Variants in SLC6A17 observed in about 807,000 individuals in gnomAD.
SLC6A17 encodes the protein sodium-dependent neutral amino acid transporter SLC6A17.
A neutral mutation model predicts 64.5 loss-of-function variants in SLC6A17; 21 were observed. That is an observed-to-expected ratio of 0.33 (90% CI 0.23 to 0.47). SLC6A17 has a LOEUF of 0.47. Ranked by LOEUF, SLC6A17 falls within the 20% of genes least tolerant of loss-of-function variation. SLC6A17 has a pLI of 1.00. For synonymous variants in SLC6A17, 372 were observed against 399.5 expected (o/e 0.93, Z 0.82); for missense variants, 682 against 963.2 (o/e 0.71, Z 3.86).
At chr1:110,154,359 G>A (rs561275364) in intron 1 of SLC6A17, among the ~76,000 whole-genome samples, 8 of 152,208 alleles carry the variant, frequency 5.3e-5, no homozygotes, top group Admixed American at 1.3e-4. Context: ...ATACTTTTCC[G>A]CAATACATTC....
Position 110,199,589 on chromosome 1 carries a change from T to G in SLC6A17, c.*1145T>G, listed in dbSNP as rs1420265600. The G allele has an allele frequency of 5.3e-6, 1 of 189,858 alleles. No individual in the cohort carries two copies. Among genetic ancestry groups the G allele is most frequent in the African/African-American group, 2.3e-5 (1 of 43,018 alleles). 11.8% of individuals were successfully genotyped at this position (189,858 alleles called of 1,614,324 possible). A position where few individuals can be genotyped will look rare whatever the true frequency, so the allele number is the denominator to read the frequency against. On this transcript the variant is annotated 3_prime_UTR_variant, in exon 12 of 12. Coordinates refer to ENST00000331565, the MANE Select transcript of SLC6A17 (RefSeq NM_001010898.4). ...ACAGCCGCCCAGTGTGCACATCATGTGCAGACACCTTGGAAACCTTTCCCA... is the reference window on the plus strand; with the variant it reads ...ACAGCCGCCCAGTGTGCACATCATGGGCAGACACCTTGGAAACCTTTCCCA...
chr1:110,167,242 G>T (rs1329018911), intron 2 of SLC6A17, 27 bp downstream of exon 2: 1 of 1,593,196 alleles, frequency 6.3e-7, no homozygotes, highest in Non-Finnish European at 8.6e-7. Flanking sequence ...CCTGCATCAG[G>T]GGTCCCCTGC....
intron 6 of SLC6A17, 123 bp downstream of exon 6, chr1:110,176,862 C>T (rs912173895): frequency 3.0e-5 from 26 of 865,566 alleles, no homozygotes; most frequent in Admixed American, 9.5e-5. Context: ...GGTATCGTAC[C>T]AGGCCCTGGA....
In SLC6A17 at chr1:110,155,199, C is replaced by T. The variant is rs1655724404; in HGVS notation, c.-88+4316C>T. 2.6e-5 allele frequency among the ~76,000 whole-genome samples: 4 copies of T among 152,122 alleles called. No individual in the cohort carries two copies. The South Asian group carries it at 8.3e-4, about 32-fold the overall frequency. ...ACTGGCAGTGGACGAAAAGGACTTCCCAGAAACCCTTGCTTCATAGGCAGC... is the reference window on the plus strand; with the variant it reads ...ACTGGCAGTGGACGAAAAGGACTTCTCAGAAACCCTTGCTTCATAGGCAGC... On this transcript the variant is annotated intron_variant, in intron 1 of 11. Transcript: ENST00000331565.
Position 110,192,786 on chromosome 1 carries a change from G to C in SLC6A17, c.1299+88G>C. On this transcript the variant is annotated intron_variant, in intron 8 of 11. Coordinates refer to ENST00000331565, the MANE Select transcript of SLC6A17 (RefSeq NM_001010898.4). This position sits in a 1 kb window ranked among gnomAD's most constrained non-coding sequence, Gnocchi z 4.3. Reference sequence around the variant, plus strand: ...GGAGCTTGGGCTCAGGCCTCAGGATGCTGACAGGTAGTCATTAGTTTACTT... The same window carrying C: ...GGAGCTTGGGCTCAGGCCTCAGGATCCTGACAGGTAGTCATTAGTTTACTT... 1 of 1,383,222 alleles carries C rather than the reference G, an allele frequency of 7.2e-7. No homozygotes were observed. Among genetic ancestry groups the C allele is most frequent in the South Asian group, 1.4e-5 (1 of 70,010 alleles). The allele number at this position is 1,383,222 out of a possible 1,614,324, so 85.7% of individuals were successfully genotyped here.
intron 1 of SLC6A17, among the ~76,000 whole-genome samples, chr1:110,159,331 G>A (rs891071876): frequency 2.6e-5 from 4 of 152,182 alleles, no homozygotes; most frequent in East Asian, 3.8e-4. Flanking sequence ...GTTCTCCCAC[G>A]TGAGATGGTA....
At chr1:110,193,206 GCAGTTAGTTGGGTCCAAATC>G (rs1656877135) in intron 8 of SLC6A17, among the ~76,000 whole-genome samples, 1 of 152,166 alleles carries the variant, frequency 6.6e-6, no homozygotes, top group Non-Finnish European at 1.5e-5. Flanking sequence ...AGTCAGAGAG[GCAGTTAGTTGGGTCCAAATC>G]CAGTTAGTTG....
Position 110,191,726 on chromosome 1 carries a change from A to C in SLC6A17, c.865-246A>C, listed in dbSNP as rs181455406. ...GTAGCAGTTAAATTACTATGTAAGC[A>C]CTCAGCATTTATGTTGTCTTACCAA... On this transcript the variant is annotated intron_variant, in intron 6 of 11. Coordinates refer to ENST00000331565, the MANE Select transcript of SLC6A17 (RefSeq NM_001010898.4). 2.0e-5 allele frequency among the ~76,000 whole-genome samples: 3 copies of C among 152,172 alleles called. No individual in the cohort carries two copies. The East Asian group carries it at 5.8e-4, about 29-fold the overall frequency.
At chr1:110,181,885 G>A (rs11802526) in intron 6 of SLC6A17, among the ~76,000 whole-genome samples, 52,604 of 152,054 alleles carry the variant, frequency 0.35, 10,926 homozygotes, top group Non-Finnish European at 0.47. Flanking sequence ...ACGTATGGTC[G>A]GTAGTAATGT....
Position 110,198,163 on chromosome 1 carries a change from G to A in SLC6A17, c.1903G>A (p.Val635Met), listed in dbSNP as rs779914802. The change falls in exon 12 of 12, where the codon GTG becomes ATG. Residue 635 changes from valine (V) to methionine (M), a missense_variant. Transcript: ENST00000331565. The stretch of plus-strand genomic sequence containing the variant: ...CGTGGCGACGCTGCCCATCCCTGTG[G>A]TGTTCGTCCTGCGGCACTTCCACCT... Reference protein sequence around the residue: ...IVVATLPIPVVFVLRHFHLLS... With the variant: ...IVVATLPIPVMFVLRHFHLLS... 1.2e-6 allele frequency: 2 copies of A among 1,614,074 alleles called. No individual in the cohort carries two copies. The highest frequency in any genetic ancestry group is 2.2e-5 in the South Asian group (2 of 91,066).
intron 4 of SLC6A17, 105 bp from the exon 5 acceptor site, chr1:110,174,674 C>T: frequency 7.1e-7 from 1 of 1,408,908 alleles, no homozygotes; most frequent in Non-Finnish European, 9.7e-7. Flanking sequence ...GCTGCCCACC[C>T]TCAGCAGCTC....
Position 110,195,618 on chromosome 1 carries a change from CTGT to C in SLC6A17, c.1530_1532del (p.Leu510del). ...CTGTGTCTTTGCATTCCTCGTGGGG[CTGT>C]TGTTCGTCCAGCGCTCCGGAAACTA... On this transcript the variant is annotated inframe_deletion, in exon 10 of 12. Transcript: ENST00000331565. 1 of 1,614,236 alleles carries C rather than the reference CTGT, an allele frequency of 6.2e-7. No homozygotes were observed. Among genetic ancestry groups the C allele is most frequent in the Non-Finnish European group, 8.5e-7 (1 of 1,180,048 alleles).
rs950333091 is a variant in SLC6A17 at position 110,194,722 on chromosome 1, C to T, written c.1443C>T (p.Ile481=). 8.1e-6 allele frequency: 13 copies of T among 1,614,180 alleles called. No homozygotes were observed. Among genetic ancestry groups the T allele is most frequent in the Non-Finnish European group, 1.0e-5 (12 of 1,180,044 alleles). The change falls in exon 9 of 12, where the codon ATC becomes ATT. Residue 481 remains isoleucine, a synonymous_variant. Coordinates refer to ENST00000331565, the MANE Select transcript of SLC6A17 (RefSeq NM_001010898.4). The stretch of plus-strand genomic sequence containing the variant: ...GCATGATCGGGACCATGGCAGGCAT[C>T]ACCACGCCCATCATCGACACCTTCA... ...LGSMIGTMAG[I]TTPIIDTFKV...
intron 6 of SLC6A17, among the ~76,000 whole-genome samples, chr1:110,187,035 A>C (rs1656702856): frequency 6.6e-6 from 1 of 152,196 alleles, no homozygotes; most frequent in African/African-American, 2.4e-5. Flanking sequence ...AAAGGAATGG[A>C]AAAAGATTTT....
At chr1:110,190,837 G>A (rs754996000) in intron 6 of SLC6A17, among the ~76,000 whole-genome samples, 1 of 152,094 alleles carries the variant, frequency 6.6e-6, no homozygotes, top group Admixed American at 6.5e-5. Flanking sequence ...TGCTGGGGCC[G>A]GGGGCGGGGG....
chr1:110,192,443 C>T lies in SLC6A17; in HGVS notation c.1107-63C>T. ...CCACCTGGGTGCCTGGGAAGAGCCT[C>T]CAGGATCTCACCCATTGCCCACCCC... On this transcript the variant is annotated intron_variant, in intron 7 of 11. Coordinates refer to ENST00000331565, the MANE Select transcript of SLC6A17 (RefSeq NM_001010898.4). This position sits in a 1 kb window ranked among gnomAD's most constrained non-coding sequence, Gnocchi z 4.3. 4 of 1,549,574 alleles carry T rather than the reference C, an allele frequency of 2.6e-6. No individual in the cohort carries two copies. The South Asian group carries it at 5.0e-5, about 19-fold the overall frequency.
rs116880252 is a variant in SLC6A17 at position 110,183,225 on chromosome 1, C to T, written c.864+6486C>T. Among the ~76,000 whole-genome samples, 9 of 152,290 alleles carry T rather than the reference C, an allele frequency of 5.9e-5. No homozygotes were observed. The East Asian group carries it at 1.7e-3, about 29-fold the overall frequency. On this transcript the variant is annotated intron_variant, in intron 6 of 11. Transcript: ENST00000331565. ...CAAAAAGTAGAAACAACACAATGTC[C>T]ATCAACTGATGAATAAATTTTTAAA...
chr1:110,185,978 G>T (rs956415451), intron 6 of SLC6A17, among the ~76,000 whole-genome samples: 2 of 152,158 alleles, frequency 1.3e-5, no homozygotes, highest in African/African-American at 4.8e-5. Context: ...TTCACCCTCA[G>T]ATGCTTTCCT....
At chr1:110,167,363 A>AC in intron 2 of SLC6A17, 148 bp downstream of exon 2, 1 of 1,033,358 alleles carries the variant, frequency 9.7e-7, no homozygotes, top group Non-Finnish European at 1.4e-6. Flanking sequence ...AGGAATAGCT[A>AC]TAATGATGGT....
Sources: allele counts gnomAD v4.1 joint callset (sites outside exome capture counted in the v4.1 genomes callset), GRCh38; gene constraint gnomAD v4.1.1; non-coding constraint Gnocchi (gnomAD v3.1); transcripts MANE v1.5; gene names NCBI Gene and HGNC (gene_info 2026-07-23, HGNC 2026-07-21).